MTUS2: variants seen among roughly 807,000 people sequenced by gnomAD.
The protein encoded by MTUS2 is microtubule associated scaffold protein 2.
A neutral mutation model predicts 114.1 loss-of-function variants in MTUS2; 40 were observed. The observed-to-expected ratio is 0.35, with a 90% CI of 0.27 to 0.46. MTUS2 has a LOEUF of 0.46. Ranked by LOEUF, MTUS2 falls within the 20% of genes least tolerant of loss-of-function variation. The pLI, the probability that MTUS2 is intolerant of heterozygous loss-of-function variation, is 1.00. For synonymous variants in MTUS2, 688 were observed against 672.0 expected, an observed-to-expected ratio of 1.02 and a Z score of -0.37; for missense variants, 1,679 against 1,705.4, an observed-to-expected ratio of 0.98 and a Z score of 0.27.
rs116888871 is a variant in MTUS2, at chr13:29,341,017, G to A, written c.2905+16306G>A. ...AAGGCTGATTAGTATTTCATAGTACGTTTGTACCACATTTTCTTTATCCAC... is the reference window on the plus strand; with the variant it reads ...AAGGCTGATTAGTATTTCATAGTACATTTGTACCACATTTTCTTTATCCAC... On this transcript the variant is annotated intron_variant, in intron 7 of 15. Transcript: ENST00000612955. 2.1e-3 allele frequency among the ~76,000 whole-genome samples: 317 copies of A among 152,142 alleles called. 1 individual carries two copies. Among genetic ancestry groups the A allele is most frequent in the South Asian group, 0.011 (53 of 4,812 alleles).
At chr13:29,373,052 A>G (rs1043147512) in intron 8 of MTUS2, among the ~76,000 whole-genome samples, 3 of 152,236 alleles carry the variant, frequency 2.0e-5, no homozygotes, top group Non-Finnish European at 2.9e-5. Flanking sequence ...ACTTGAAGTC[A>G]GTTCAGCTTG....
rs1871509276 is a variant in MTUS2, at chr13:29,375,347, GCAATTACTTACTTTTAATGGCA to G, written c.3117+15875_3117+15896del. Among the ~76,000 whole-genome samples the G allele has an allele frequency of 2.7e-4, 2 of 7,420 alleles. 1 individual carries two copies. The highest frequency in any genetic ancestry group is 9.8e-4 in the Non-Finnish European group (2 of 2,038). 4.9% of individuals were successfully genotyped at this position (7,420 alleles called of 152,430 possible). A position where few individuals can be genotyped will look rare whatever the true frequency, so the allele number is the denominator to read the frequency against. On this transcript the variant is annotated intron_variant, in intron 8 of 15. Transcript: ENST00000612955. The stretch of plus-strand genomic sequence containing the variant: ...CTTTTGCGGTTTTAATGGCAAACCC[GCAATTACTTACTTTTAATGGCA>G]AAAACCGCAATTACTTACTTTTAAT...
chr13:29,061,147 CTT>C (rs1393786443), intron 4 of MTUS2, among the ~76,000 whole-genome samples: 1 of 152,130 alleles, frequency 6.6e-6, no homozygotes, highest in Non-Finnish European at 1.5e-5. Flanking sequence ...TGAATTTTAT[CTT>C]GTTTGATACT....
At chr13:29,253,079 C>T (rs202172852) in intron 5 of MTUS2, among the ~76,000 whole-genome samples, 1 of 145,072 alleles carries the variant, frequency 6.9e-6, no homozygotes. Context: ...CATTTTTGGC[C>T]TTTTTTTTTT....
rs148918479 is a variant in MTUS2 at position 29,005,024 on chromosome 13, G to A, written c.-242-19433G>A. 6.1e-3 allele frequency among the ~76,000 whole-genome samples: 923 copies of A among 152,292 alleles called. 28 individuals are homozygous for A. The highest frequency in any genetic ancestry group is 0.052 in the Admixed American group (800 of 15,294). On this transcript the variant is annotated intron_variant, in intron 2 of 15. Transcript: ENST00000612955. ...TCTAGAGGGACTTCACCAACACCTC[G>A]TGCCTGCCATGGTGCAGCCAATGAG...
intron 6 of MTUS2, among the ~76,000 whole-genome samples, chr13:29,297,241 G>A (rs1172587816): frequency 6.6e-6 from 1 of 152,122 alleles, no homozygotes; most frequent in Non-Finnish European, 1.5e-5. Flanking sequence ...TGTCTTACAT[G>A]TAATATTCTG....
intron 2 of MTUS2, among the ~76,000 whole-genome samples, chr13:28,867,370 T>C (rs1877362244): frequency 6.6e-6 from 1 of 152,072 alleles, no homozygotes; most frequent in African/African-American, 2.4e-5. Context: ...TAAGAAAAAA[T>C]ATGGAGAAGA....
chr13:29,101,565 A>C (rs1168777330), intron 5 of MTUS2, among the ~76,000 whole-genome samples: 1 of 152,204 alleles, frequency 6.6e-6, no homozygotes, highest in Admixed American at 6.5e-5. Flanking sequence ...AATAACCTGC[A>C]GAGCATGTTA....
chr13:29,221,649 C>T (rs1310981441), intron 5 of MTUS2, among the ~76,000 whole-genome samples: 1 of 151,860 alleles, frequency 6.6e-6, no homozygotes, highest in Non-Finnish European at 1.5e-5. Flanking sequence ...CTTATGGTGC[C>T]TTTTTTAGAT....
At chr13:29,201,999 G>A (rs951520153) in intron 5 of MTUS2, among the ~76,000 whole-genome samples, 7 of 152,072 alleles carry the variant, frequency 4.6e-5, no homozygotes, top group Admixed American at 1.3e-4. Flanking sequence ...TGCTCTTCTC[G>A]AGGAGTATCT....
chr13:28,913,331 G>A (rs1422195552), intron 2 of MTUS2, among the ~76,000 whole-genome samples: 4 of 152,044 alleles, frequency 2.6e-5, no homozygotes, highest in African/African-American at 9.7e-5. Flanking sequence ...AGGGAATGTT[G>A]AATTTTATTG....
chr13:29,038,092 A>G (rs226905), intron 4 of MTUS2, among the ~76,000 whole-genome samples: 145,481 of 152,236 alleles, frequency 0.96, 69,619 homozygotes, highest in Non-Finnish European at 0.98. Context: ...GACAAGAGGC[A>G]TTCTGGTGTT....
chr13:28,870,784 A>G lies in MTUS2; in HGVS notation c.-243+30934A>G, dbSNP rs573704328. Among the ~76,000 whole-genome samples the G allele has an allele frequency of 5.3e-5, 8 of 152,136 alleles. No individual in the cohort carries two copies. In the East Asian group the frequency reaches 1.3e-3, roughly 26 times the overall value. On this transcript the variant is annotated intron_variant, in intron 2 of 15. Coordinates refer to ENST00000612955, the MANE Select transcript of MTUS2 (RefSeq NM_001033602.4). Reference sequence around the variant, plus strand: ...GGACTTGTTGATTTTCTGAGAGGAGAAAGTGGATTGCTTTGAAATCCCCCT... The same window carrying G: ...GGACTTGTTGATTTTCTGAGAGGAGGAAGTGGATTGCTTTGAAATCCCCCT...
At chr13:29,118,413 G>A (rs1446266437) in intron 5 of MTUS2, among the ~76,000 whole-genome samples, 1 of 152,154 alleles carries the variant, frequency 6.6e-6, no homozygotes, top group African/African-American at 2.4e-5. Context: ...AGGGTAAGAG[G>A]CACTGAATGT....
intron 8 of MTUS2, among the ~76,000 whole-genome samples, chr13:29,375,567 AT>A (rs554922023): frequency 6.6e-4 from 3 of 4,528 alleles, no homozygotes; most frequent in South Asian, 7.7e-3. Context: ...ACGTATATAT[AT>A]ATATACATAT....
In MTUS2 at chr13:29,016,769, C is replaced by T. The variant is rs77401320; in HGVS notation, c.-242-7688C>T. Among the ~76,000 whole-genome samples, 1,224 of 152,234 alleles carry T rather than the reference C, an allele frequency of 8.0e-3. 14 individuals are homozygous for T. The highest frequency in any genetic ancestry group is 0.028 in the African/African-American group (1,165 of 41,538). ...TGCGATATGCTACCCATGTTATGTA[C>T]ATAAGATAAAGAGAACAAAGCAGGC... On this transcript the variant is annotated intron_variant, in intron 2 of 15. Coordinates refer to ENST00000612955, the MANE Select transcript of MTUS2 (RefSeq NM_001033602.4).
chr13:28,828,883 A>C (rs1874460041), intron 1 of MTUS2, among the ~76,000 whole-genome samples: 1 of 152,212 alleles, frequency 6.6e-6, no homozygotes, highest in Admixed American at 6.5e-5. Flanking sequence ...TAGCACTGTT[A>C]CTGATCCTAT....
chr13:29,022,226 T>A (rs1311362780), intron 2 of MTUS2, among the ~76,000 whole-genome samples: 1 of 152,202 alleles, frequency 6.6e-6, no homozygotes, highest in Non-Finnish European at 1.5e-5. Context: ...AAAGTTTACA[T>A]GCTTATGTAT....
intron 2 of MTUS2, among the ~76,000 whole-genome samples, chr13:28,994,451 G>A (rs1302546801): frequency 1.3e-5 from 2 of 152,150 alleles, no homozygotes; most frequent in Non-Finnish European, 2.9e-5. Flanking sequence ...GGTATTTCTA[G>A]TTCTAGATCC....
Sources: allele counts gnomAD v4.1 joint callset (sites outside exome capture counted in the v4.1 genomes callset), GRCh38; gene constraint gnomAD v4.1.1; transcripts MANE v1.5; gene names NCBI Gene and HGNC (gene_info 2026-07-23, HGNC 2026-07-21).